POMT2: variants seen among roughly 807,000 people sequenced by gnomAD.
POMT2 encodes protein O-mannosyl-transferase 2.
POMT2 carries 75 observed loss-of-function variants against 100.0 expected under a neutral mutation model. The observed-to-expected ratio is 0.75, with a 90% CI of 0.62 to 0.91. The LOEUF (loss-of-function observed/expected upper bound fraction) is 0.91. Among genes scored for constraint, POMT2 ranks in the 40% least tolerant of loss-of-function variants. The probability of loss-of-function intolerance (pLI) is 0.00; values close to 1 mark genes in which losing one functional copy is unlikely to be tolerated. For synonymous variants in POMT2, 378 were observed against 374.1 expected (o/e 1.01, Z -0.12); for missense variants, 940 against 955.1 (o/e 0.98, Z 0.21).
chr14:77,319,059 T>G (rs368971520), intron 1 of POMT2, among the ~76,000 whole-genome samples: 1 of 152,128 alleles, frequency 6.6e-6, no homozygotes, highest in East Asian at 1.9e-4. Context: ...CTTAAAAAAA[T>G]TTTTACAAGG....
Position 77,288,850 on chromosome 14 carries a change from C to T in POMT2, c.1184-19G>A, listed in dbSNP as rs1383782520. 1.9e-6 allele frequency: 3 copies of T among 1,609,206 alleles called. No individual in the cohort carries two copies. The highest frequency in any genetic ancestry group is 1.7e-5 in the Admixed American group (1 of 59,986). ...AGGGGATCTGCCAAAAAGAAACAAGCATTGATATCCAAAATCACTCACCAG... is the reference window on the plus strand; with the variant it reads ...AGGGGATCTGCCAAAAAGAAACAAGTATTGATATCCAAAATCACTCACCAG... On this transcript the variant is annotated intron_variant, in intron 10 of 20. Transcript: ENST00000261534.
chr14:77,317,883 C>T (rs1891686623), intron 1 of POMT2, among the ~76,000 whole-genome samples: 1 of 152,204 alleles, frequency 6.6e-6, no homozygotes, highest in East Asian at 1.9e-4. Flanking sequence ...TTGGAATGGC[C>T]TGGTGCCAGA....
intron 18 of POMT2, chr14:77,279,460 C>T (rs1484302505): frequency 1.7e-5 from 8 of 475,978 alleles, no homozygotes; most frequent in Middle Eastern, 3.3e-4. Flanking sequence ...ATGGGCAGCT[C>T]TGTACACAGC....
intron 1 of POMT2, among the ~76,000 whole-genome samples, chr14:77,314,646 T>C (rs1486482607): frequency 1.3e-5 from 2 of 152,046 alleles, no homozygotes; most frequent in African/African-American, 4.8e-5. Flanking sequence ...AGAGGTAGGA[T>C]TGAAACAAGC....
chr14:77,317,755 A>C (rs1029263026), intron 1 of POMT2, among the ~76,000 whole-genome samples: 3 of 152,182 alleles, frequency 2.0e-5, no homozygotes, highest in Non-Finnish European at 4.4e-5. Context: ...TTCTCCCCTG[A>C]CCATTTCTGG....
chr14:77,280,278 TCCCAGGAGGCCCCTCGCCC>T (rs1890167247), intron 16 of POMT2, 95 bp downstream of exon 16: 2 of 1,567,970 alleles, frequency 1.3e-6, no homozygotes, highest in Non-Finnish European at 1.7e-6. Context: ...GGCCAACCCA[TCCCAGGAGGCCCCTCGCCC>T]TGCCGCCCTA....
chr14:77,279,075 C>A, intron 18 of POMT2: 1 of 690,670 alleles, frequency 1.4e-6, no homozygotes. Flanking sequence ...GAGGCCTGGG[C>A]ACCAATGGCA....
At chr14:77,282,429 G>A (rs1026498211) in intron 15 of POMT2, among the ~76,000 whole-genome samples, 1 of 152,130 alleles carries the variant, frequency 6.6e-6, no homozygotes, top group Non-Finnish European at 1.5e-5. Flanking sequence ...CTATAGTCTG[G>A]ACTCACTGTT....
chr14:77,287,735 A>C (rs910714023), intron 11 of POMT2: 2 of 152,052 alleles, frequency 1.3e-5, no homozygotes, highest in African/African-American at 4.8e-5. Context: ...TCACTAAAAA[A>C]CTATGGGAAC....
At chr14:77,281,478 AG>A (rs1254222220) in intron 15 of POMT2, among the ~76,000 whole-genome samples, 1 of 146,332 alleles carries the variant, frequency 6.8e-6, no homozygotes, top group Non-Finnish European at 1.6e-5. Context: ...CTAATCCAGC[AG>A]CCAAGAACAT....
rs765784041 is a variant in POMT2, at chr14:77,301,173, C to T, written c.733G>A (p.Val245Ile). 5.0e-6 allele frequency: 8 copies of T among 1,614,274 alleles called. No individual in the cohort carries two copies. The highest frequency in any genetic ancestry group is 6.8e-6 in the Non-Finnish European group (8 of 1,180,054). The change falls in exon 6 of 21, where the codon GTT becomes ATT. Residue 245 changes from valine (V) to isoleucine (I), a missense_variant. Coordinates refer to ENST00000261534, the MANE Select transcript of POMT2 (RefSeq NM_013382.7). ...SLAGALGVKF[V>I]GLFIILQVGL... ...ACTTGAAGGATGATAAAGAGGCCAA[C>T]AAACTTGACCCCTAAAGCACCAGCA...
intron 1 of POMT2, among the ~76,000 whole-genome samples, chr14:77,315,147 T>C (rs1566663416): frequency 6.6e-6 from 1 of 151,924 alleles, no homozygotes; most frequent in Non-Finnish European, 1.5e-5. Flanking sequence ...CCATGTCTCA[T>C]GGGGGGAAGG....
chr14:77,304,622 TG>T, intron 4 of POMT2, 69 bp downstream of exon 4: 1 of 1,543,044 alleles, frequency 6.5e-7, no homozygotes, highest in Non-Finnish European at 8.7e-7. Context: ...TTGAATGTAC[TG>T]ATTTTCAGCT....
intron 8 of POMT2, 188 bp from the exon 9 acceptor site, chr14:77,296,461 A>G (rs976759987): frequency 4.3e-5 from 26 of 598,446 alleles, no homozygotes; most frequent in Admixed American, 3.1e-4. Flanking sequence ...CACAGGGCCC[A>G]CTTACTCCCC....
chr14:77,287,008 G>C (rs1476721991), intron 11 of POMT2, 186 bp from the exon 12 acceptor site: 1 of 1,231,362 alleles, frequency 8.1e-7, no homozygotes, highest in African/African-American at 1.5e-5. Flanking sequence ...AACTGGAGAA[G>C]AGATGAGCCC....
intron 9 of POMT2, among the ~76,000 whole-genome samples, chr14:77,291,850 C>T (rs1890652941): frequency 6.6e-6 from 1 of 150,520 alleles, no homozygotes; most frequent in African/African-American, 2.4e-5. Flanking sequence ...CTGGCCAACA[C>T]GGTGAAACCC....
Position 77,288,900 on chromosome 14 carries a change from G to A in POMT2, c.1184-69C>T, listed in dbSNP as rs1435093588. On this transcript the variant is annotated intron_variant, in intron 10 of 20. Transcript: ENST00000261534. ...GGCTAGTATTAATCAAGGGCCTACT[G>A]GTAAACAGTTATAGTACCATGTGGT... 1.6e-4 allele frequency: 205 copies of A among 1,319,048 alleles called. 3 individuals are homozygous for A. The highest frequency in any genetic ancestry group is 1.5e-3 in the South Asian group (126 of 84,686). 81.7% of individuals were successfully genotyped at this position (1,319,048 alleles called of 1,614,324 possible).
In POMT2 at chr14:77,281,268, G is replaced by A. The variant is rs976274302; in HGVS notation, c.1654-805C>T. ...TTCTCCACCTTTTTTTTCCACTACTGCCCCTCTACCAGGAGCCTTTGTAGA... is the reference window on the plus strand; with the variant it reads ...TTCTCCACCTTTTTTTTCCACTACTACCCCTCTACCAGGAGCCTTTGTAGA... On this transcript the variant is annotated intron_variant, in intron 15 of 20. Coordinates refer to ENST00000261534, the MANE Select transcript of POMT2 (RefSeq NM_013382.7). Among the ~76,000 whole-genome samples, 17 of 151,644 alleles carry A rather than the reference G, an allele frequency of 1.1e-4. 1 individual carries two copies. The highest frequency in any genetic ancestry group is 4.1e-4 in the African/African-American group (17 of 41,246).
At chr14:77,281,596 G>A (rs1174568242) in intron 15 of POMT2, among the ~76,000 whole-genome samples, 1 of 152,156 alleles carries the variant, frequency 6.6e-6, no homozygotes, top group Non-Finnish European at 1.5e-5. Flanking sequence ...CCTTATCACT[G>A]GGACAGACTG....
Sources: gnomAD v4.1 joint callset for allele counts (sites outside exome capture counted in the v4.1 genomes callset) on GRCh38, gnomAD v4.1.1 for gene constraint, MANE v1.5 for transcripts, NCBI Gene and HGNC (gene_info 2026-07-23, HGNC 2026-07-21) for gene names.